LGR4: variants seen among roughly 807,000 people sequenced by gnomAD.
LGR4 encodes leucine-rich repeat-containing G protein-coupled receptor 4.
LGR4 carries 44 observed loss-of-function variants against 84.8 expected under a neutral mutation model. The observed-to-expected ratio is 0.52, with a 90% CI of 0.41 to 0.67. LGR4 has a LOEUF of 0.67. LGR4 is among the 30% of genes least tolerant of loss of function. LGR4 has a pLI of 0.00. For synonymous variants in LGR4, 429 were observed against 434.3 expected (o/e 0.99, Z 0.15); for missense variants, 1,032 against 1,131.4 (o/e 0.91, Z 1.26).
chr11:27,388,266 T>C (rs1034094110), intron 4 of LGR4, among the ~76,000 whole-genome samples: 1 of 152,180 alleles, frequency 6.6e-6, no homozygotes, highest in Non-Finnish European at 1.5e-5. Context: ...AAAGAGTATG[T>C]ACTTATACTG....
At position 27,368,675 on chromosome 11, in the gene LGR4, T is replaced by C. The variant is rs1323778457; in HGVS notation, c.2048A>G (p.His683Arg). The C allele has an allele frequency of 1.9e-6, 3 of 1,613,506 alleles. No individual in the cohort carries two copies. Among genetic ancestry groups the C allele is most frequent in the Middle Eastern group, 1.6e-4 (1 of 6,084 alleles). Residue 683 changes from histidine to arginine, a missense_variant, in exon 18 of 18, where the codon CAT (histidine) becomes CGT (arginine). His to Arg is a conservative substitution (Grantham distance 29). Transcript: ENST00000379214. ...ATVAGCFPLF[H>R]RGEYSASPLC... ...GGGTGATGCAGAATATTCCCCTCTA[T>C]GGAAAAGGGGAAAACAGCCTGCTAC...
At chr11:27,403,513 T>C (rs1341153240) in intron 2 of LGR4, among the ~76,000 whole-genome samples, 3 of 152,176 alleles carry the variant, frequency 2.0e-5, no homozygotes, top group Non-Finnish European at 2.9e-5. Context: ...TTACATAAAA[T>C]GTGAATCATC....
chr11:27,444,486 G>A (rs1409875399), intron 1 of LGR4, among the ~76,000 whole-genome samples: 1 of 152,020 alleles, frequency 6.6e-6, no homozygotes. Context: ...GAGACAAAGG[G>A]TCATACAAGT....
Position 27,373,510 on chromosome 11 carries a change from A to G in LGR4, c.1379+41T>C, listed in dbSNP as rs747631138. 4.0e-6 allele frequency: 6 copies of G among 1,503,388 alleles called. No homozygotes were observed. The East Asian group carries it at 1.4e-4, about 35-fold the overall frequency. 93.1% of individuals were successfully genotyped at this position (1,503,388 alleles called of 1,614,324 possible). ...AGGACACTCTGTAATTTTGGAGCCTACCATAACTTCAACAAAAAAGAAAAA... is the reference window on the plus strand; with the variant it reads ...AGGACACTCTGTAATTTTGGAGCCTGCCATAACTTCAACAAAAAAGAAAAA... On this transcript the variant is annotated intron_variant, in intron 15 of 17. Transcript: ENST00000379214.
rs535745659 is a variant in LGR4 at position 27,442,701 on chromosome 11, T to C, written c.185+29417A>G. Among the ~76,000 whole-genome samples, 6 of 152,324 alleles carry C rather than the reference T, an allele frequency of 3.9e-5. No homozygotes were observed. The East Asian group carries it at 1.2e-3, about 29-fold the overall frequency. ...TCATTCACAAAGAAAGAGTCAATAT[T>C]CCATGTTCTTCACATTATACACAAG... On this transcript the variant is annotated intron_variant, in intron 1 of 17. Coordinates refer to ENST00000379214, the MANE Select transcript of LGR4 (RefSeq NM_018490.5).
chr11:27,419,118 T>C (rs767588916), intron 1 of LGR4, among the ~76,000 whole-genome samples: 4 of 152,136 alleles, frequency 2.6e-5, no homozygotes, highest in Non-Finnish European at 5.9e-5. Context: ...TGTGCTGTCA[T>C]TGTTAAGAAA....
chr11:27,394,609 G>A (rs1229663386), intron 2 of LGR4, among the ~76,000 whole-genome samples: 17 of 151,980 alleles, frequency 1.1e-4, no homozygotes, highest in Non-Finnish European at 1.2e-4. Flanking sequence ...CACCATGTTG[G>A]CCAGGCTGGT....
chr11:27,472,219 G>C lies in LGR4; in HGVS notation c.84C>G (p.Leu28=). 1 of 1,357,194 alleles carries C rather than the reference G, an allele frequency of 7.4e-7. No individual in the cohort carries two copies. Among genetic ancestry groups the C allele is most frequent in the Non-Finnish European group, 9.5e-7 (1 of 1,055,006 alleles). 84.1% of individuals were successfully genotyped at this position (1,357,194 alleles called of 1,614,324 possible). A position where few individuals can be genotyped will look rare whatever the true frequency, so the allele number is the denominator to read the frequency against. ...SAGPSGAAPP[L]CAAPCSCDGD... Reference sequence around the variant, plus strand: ...CGTCGCAGCTGCAGGGCGCCGCGCAGAGAGGCGGCGCCGCGCCGCTGGGCC... The same window carrying C: ...CGTCGCAGCTGCAGGGCGCCGCGCACAGAGGCGGCGCCGCGCCGCTGGGCC... The change falls in exon 1 of 18, where the codon CTC becomes CTG. Residue 28 remains leucine (L), a synonymous_variant. Transcript: ENST00000379214.
At chr11:27,394,965 A>C (rs772273177) in intron 2 of LGR4, among the ~76,000 whole-genome samples, 1 of 152,094 alleles carries the variant, frequency 6.6e-6, no homozygotes, top group African/African-American at 2.4e-5. Context: ...CCTCCTTGAA[A>C]ATGCTCACCA....
Position 27,368,895 on chromosome 11 carries a change from T to G in LGR4, c.1828A>C (p.Ile610Leu), listed in dbSNP as rs763145885. Residue 610 changes from isoleucine to leucine, a missense_variant, in exon 18 of 18, where the codon ATT becomes CTT. By Grantham distance (5) the Ile-to-Leu change is conservative. Coordinates refer to ENST00000379214, the MANE Select transcript of LGR4 (RefSeq NM_018490.5). The part of the protein sequence containing the change: ...VSWGRFAEFG[I>L]WWETGSGCKV... ...CAGCCACTGCCAGTTTCCCACCAAA[T>G]GCCAAATTCAGCGAATCTGCCCCAG... 2 of 1,614,094 alleles carry G rather than the reference T, an allele frequency of 1.2e-6. No homozygotes were observed. The highest frequency in any genetic ancestry group is 1.7e-6 in the Non-Finnish European group (2 of 1,180,010).
chr11:27,466,610 A>AT (rs1182447278), intron 1 of LGR4, among the ~76,000 whole-genome samples: 2 of 152,206 alleles, frequency 1.3e-5, no homozygotes, highest in African/African-American at 4.8e-5. Context: ...TTCCTAAGAG[A>AT]TTAAGTTGTC....
intron 1 of LGR4, among the ~76,000 whole-genome samples, chr11:27,415,810 T>C (rs962497982): frequency 1.3e-5 from 2 of 152,050 alleles, no homozygotes; most frequent in African/African-American, 4.8e-5. Context: ...TATAGTTGCG[T>C]GGGTATCCAT....
intron 2 of LGR4, among the ~76,000 whole-genome samples, chr11:27,401,604 G>A (rs754959569): frequency 1.3e-5 from 2 of 152,164 alleles, no homozygotes; most frequent in Non-Finnish European, 2.9e-5. Context: ...GGCAAAGGAG[G>A]TATTGAGTTT....
chr11:27,421,996 T>C (rs959430779), intron 1 of LGR4, among the ~76,000 whole-genome samples: 4 of 146,178 alleles, frequency 2.7e-5, no homozygotes, highest in Admixed American at 2.7e-4. Flanking sequence ...TATTCCTTGT[T>C]TTCTTCCTAC....
chr11:27,424,629 C>A (rs1863986331), intron 1 of LGR4, among the ~76,000 whole-genome samples: 1 of 152,190 alleles, frequency 6.6e-6, no homozygotes, highest in Non-Finnish European at 1.5e-5. Flanking sequence ...GAGCTCATCA[C>A]AGAAAGAAGG....
chr11:27,411,375 AT>A (rs1863708275), intron 2 of LGR4, among the ~76,000 whole-genome samples: 2 of 151,552 alleles, frequency 1.3e-5, no homozygotes, highest in Non-Finnish European at 1.5e-5. Context: ...AAAATAATTA[AT>A]GTTCACTATA....
chr11:27,420,501 C>T (rs1034269497), intron 1 of LGR4, among the ~76,000 whole-genome samples: 1 of 152,066 alleles, frequency 6.6e-6, no homozygotes, highest in African/African-American at 2.4e-5. Flanking sequence ...AAAAGGCTTC[C>T]AACACCAAAG....
At chr11:27,434,408 T>A (rs539018555) in intron 1 of LGR4, among the ~76,000 whole-genome samples, 1 of 152,316 alleles carries the variant, frequency 6.6e-6, no homozygotes, top group East Asian at 1.9e-4. Flanking sequence ...TAATATAGCT[T>A]AGTGTTTACA....
chr11:27,445,420 G>A (rs1864373602), intron 1 of LGR4, among the ~76,000 whole-genome samples: 1 of 152,114 alleles, frequency 6.6e-6, no homozygotes, highest in Non-Finnish European at 1.5e-5. Flanking sequence ...TTAAAATGGA[G>A]ATAAAGAATA....
Sources: gnomAD v4.1 joint callset for allele counts (sites outside exome capture counted in the v4.1 genomes callset) on GRCh38, gnomAD v4.1.1 for gene constraint, MANE v1.5 for transcripts, NCBI Gene and HGNC (gene_info 2026-07-23, HGNC 2026-07-21) for gene names.